Variants in PLXNA4 observed in about 807,000 individuals in gnomAD.
PLXNA4 encodes plexin-A4.
Under a neutral mutation model 191.8 loss-of-function variants are expected in PLXNA4, and 44 were observed. The observed-to-expected ratio is 0.23, with a 90% confidence interval of 0.18 to 0.29. The LOEUF (loss-of-function observed/expected upper bound fraction) is 0.29, where lower values mean the gene tolerates loss of function less well. Ranked by LOEUF, PLXNA4 falls within the 10% of genes least tolerant of loss-of-function variation. The pLI is 1.00. For synonymous variants in PLXNA4, 1,082 were observed against 1,009.5 expected, an observed-to-expected ratio of 1.07 and a Z score of -1.36; for missense variants, 1,800 against 2,488.8, an observed-to-expected ratio of 0.72 and a Z score of 5.89.
intron 2 of PLXNA4, among the ~76,000 whole-genome samples, chr7:132,618,305 T>C (rs1025652839): frequency 6.6e-6 from 1 of 152,214 alleles, no homozygotes; most frequent in African/African-American, 2.4e-5. Flanking sequence ...TATACTGTTA[T>C]TCTTCAGCAT....
chr7:132,188,458 G>T (rs765672646), intron 14 of PLXNA4, among the ~76,000 whole-genome samples: 1 of 152,086 alleles, frequency 6.6e-6, no homozygotes, highest in Non-Finnish European at 1.5e-5. Flanking sequence ...ACCAAAAGTC[G>T]AACCCTCTCA....
chr7:132,555,190 CGT>C (rs1800749893), intron 1 of PLXNA4, among the ~76,000 whole-genome samples: 1 of 152,054 alleles, frequency 6.6e-6, no homozygotes, highest in Non-Finnish European at 1.5e-5. Context: ...AATATATAAA[CGT>C]GGCTGTTAAT....
chr7:132,455,296 T>C (rs1219379330), intron 3 of PLXNA4, among the ~76,000 whole-genome samples: 2 of 152,086 alleles, frequency 1.3e-5, no homozygotes, highest in Non-Finnish European at 2.9e-5. Flanking sequence ...GAGAACAGGT[T>C]CAACTTCAGG....
intron 9 of PLXNA4, among the ~76,000 whole-genome samples, chr7:132,215,854 C>G (rs1489265898): frequency 1.3e-5 from 2 of 152,212 alleles, no homozygotes; most frequent in East Asian, 3.8e-4. Context: ...GCTGTAGGCA[C>G]TGCTGCATCT....
chr7:132,565,090 A>T (rs1801658055), intron 1 of PLXNA4, among the ~76,000 whole-genome samples: 1 of 152,126 alleles, frequency 6.6e-6, no homozygotes, highest in African/African-American at 2.4e-5. Flanking sequence ...CTCAGTTTTC[A>T]TTCTCTTTGT....
At chr7:132,576,491 T>C, upstream of PLXNA4, 1 of 985,016 alleles carries the variant, frequency 1.0e-6, no homozygotes, top group Non-Finnish European at 1.2e-6. This position sits in a 1 kb window ranked among gnomAD's most constrained non-coding sequence, Gnocchi z 5.8. Flanking sequence ...CCTATGCCGC[T>C]GCCTCTCGCC....
At chr7:132,586,609 C>T (rs922139382) in intron 2 of PLXNA4, among the ~76,000 whole-genome samples, 2 of 152,074 alleles carry the variant, frequency 1.3e-5, no homozygotes, top group Admixed American at 1.3e-4. Context: ...AACAATTAGC[C>T]GGGCATCGTG....
chr7:132,156,674 A>G lies in PLXNA4; in HGVS notation c.4660+2799T>C, dbSNP rs146696198. On this transcript the variant is annotated intron_variant, in intron 25 of 31. Transcript: ENST00000321063. ...GGGGCTGAGTGAGTGCCAATGTGCTATGCGTCCCTTTGGCATAAATAGTCA... is the reference window on the plus strand; with the variant it reads ...GGGGCTGAGTGAGTGCCAATGTGCTGTGCGTCCCTTTGGCATAAATAGTCA... 5.9e-5 allele frequency among the ~76,000 whole-genome samples: 9 copies of G among 152,340 alleles called. No individual in the cohort carries two copies. The East Asian group carries it at 1.7e-3, about 29-fold the overall frequency.
intron 3 of PLXNA4, among the ~76,000 whole-genome samples, chr7:132,458,012 G>A (rs1796370954): frequency 6.6e-6 from 1 of 152,172 alleles, no homozygotes; most frequent in African/African-American, 2.4e-5. Context: ...GTCGTTTGAA[G>A]CCACCAAATT....
chr7:132,253,354 G>T (rs1425608755), intron 4 of PLXNA4, among the ~76,000 whole-genome samples: 1 of 150,798 alleles, frequency 6.6e-6, no homozygotes, highest in Non-Finnish European at 1.5e-5. Context: ...TCCCACCTCA[G>T]CCTCCTGAGT....
intron 1 of PLXNA4, among the ~76,000 whole-genome samples, chr7:132,532,152 C>T (rs1272913436): frequency 6.6e-6 from 1 of 152,212 alleles, no homozygotes; most frequent in Non-Finnish European, 1.5e-5. Flanking sequence ...GACGTTTTTA[C>T]CCATTCCAAC....
At chr7:132,277,348 C>T (rs909431997) in intron 4 of PLXNA4, among the ~76,000 whole-genome samples, 2 of 152,196 alleles carry the variant, frequency 1.3e-5, no homozygotes, top group African/African-American at 4.8e-5. Context: ...CATTTAAATG[C>T]ACCAGATGCT....
intron 1 of PLXNA4, among the ~76,000 whole-genome samples, chr7:132,539,668 T>C (rs1799986909): frequency 6.6e-6 from 1 of 152,228 alleles, no homozygotes; most frequent in Non-Finnish European, 1.5e-5. Flanking sequence ...GGAATGATGA[T>C]GGAACCTATT....
chr7:132,635,506 G>A (rs1432461364), intron 2 of PLXNA4, among the ~76,000 whole-genome samples: 1 of 152,108 alleles, frequency 6.6e-6, no homozygotes, highest in African/African-American at 2.4e-5. Context: ...ATAACCAAGA[G>A]ATAGAACACA....
chr7:132,201,820 T>A (rs1307548351), intron 12 of PLXNA4, among the ~76,000 whole-genome samples: 3 of 152,188 alleles, frequency 2.0e-5, no homozygotes, highest in African/African-American at 7.2e-5. Flanking sequence ...GGGCAGTGAT[T>A]TCCTTGGCTT....
chr7:132,227,739 T>C lies in PLXNA4; in HGVS notation c.1729-135A>G, dbSNP rs2116978493. The C allele has an allele frequency of 3.5e-6, 4 of 1,149,376 alleles. No individual in the cohort carries two copies. In the South Asian group the frequency reaches 4.5e-5, roughly 13 times the overall value. 71.2% of individuals were successfully genotyped at this position (1,149,376 alleles called of 1,614,324 possible). ...AGACAAGCAAGAGGCAATATTAACATGGAGAAGAGACTCAGGTTATTAGGA... is the reference window on the plus strand; with the variant it reads ...AGACAAGCAAGAGGCAATATTAACACGGAGAAGAGACTCAGGTTATTAGGA... On this transcript the variant is annotated intron_variant, in intron 6 of 31. Transcript: ENST00000321063.
At chr7:132,383,840 A>G in intron 3 of PLXNA4, 2 of 985,460 alleles carry the variant, frequency 2.0e-6, no homozygotes, top group Non-Finnish European at 2.4e-6. Flanking sequence ...ATTGTTTTGC[A>G]GGAGTGTTGG....
intron 1 of PLXNA4, among the ~76,000 whole-genome samples, chr7:132,572,979 C>T (rs1385396116): frequency 2.0e-5 from 3 of 151,534 alleles, no homozygotes; most frequent in South Asian, 2.1e-4. Flanking sequence ...ATCCAGCTGT[C>T]GTTAAATTCA....
chr7:132,289,123 C>T (rs146139643), intron 4 of PLXNA4, among the ~76,000 whole-genome samples: 28 of 152,224 alleles, frequency 1.8e-4, no homozygotes, highest in Non-Finnish European at 4.0e-4. Context: ...TGCCTCCTCT[C>T]ACCTCTTCCC....
Sources: gnomAD v4.1 joint callset for allele counts (sites outside exome capture counted in the v4.1 genomes callset) on GRCh38, gnomAD v4.1.1 for gene constraint, Gnocchi (gnomAD v3.1) non-coding constraint, MANE v1.5 for transcripts, NCBI Gene and HGNC (gene_info 2026-07-23, HGNC 2026-07-21) for gene names.